GLIS3: variants seen among roughly 807,000 people sequenced by gnomAD.
The protein encoded by GLIS3 is zinc finger protein GLIS3.
A neutral mutation model predicts 78.6 loss-of-function variants in GLIS3; 53 were observed. The observed-to-expected ratio is 0.67, with a 90% CI of 0.54 to 0.85. The LOEUF is 0.85. Among genes scored for constraint, GLIS3 ranks in the 40% least tolerant of loss-of-function variants. GLIS3 has a pLI of 0.00. For synonymous variants in GLIS3, 684 were observed against 509.9 expected (o/e 1.34, Z -4.60); for missense variants, 1,703 against 1,231.1 (o/e 1.38, Z -5.74).
chr9:4,248,841 G>A (rs1824067597), intron 2 of GLIS3, among the ~76,000 whole-genome samples: 2 of 152,168 alleles, frequency 1.3e-5, no homozygotes, highest in Admixed American at 6.5e-5. Flanking sequence ...AATGACCAGT[G>A]ATGATGACAT....
chr9:4,157,907 T>C (rs750682921), intron 2 of GLIS3, among the ~76,000 whole-genome samples: 26 of 152,314 alleles, frequency 1.7e-4, no homozygotes, highest in South Asian at 1.7e-3. Flanking sequence ...TATCAATAAA[T>C]TTTATCCTCA....
intron 8 of GLIS3, among the ~76,000 whole-genome samples, chr9:3,856,766 G>A (rs1187616148): frequency 2.0e-5 from 3 of 152,172 alleles, no homozygotes; most frequent in Admixed American, 6.5e-5. Context: ...CACAACCCAC[G>A]AAATCTGCGT....
intron 2 of GLIS3, among the ~76,000 whole-genome samples, chr9:4,221,274 G>C (rs766701961): frequency 3.3e-5 from 5 of 152,160 alleles, no homozygotes; most frequent in Non-Finnish European, 5.9e-5. Context: ...TCTGGGTGAA[G>C]GGCATATGGG....
chr9:3,945,307 A>G (rs1393562102), intron 4 of GLIS3, among the ~76,000 whole-genome samples: 2 of 152,252 alleles, frequency 1.3e-5, no homozygotes, highest in East Asian at 3.8e-4. Flanking sequence ...GCGTACAAAT[A>G]AAAGCAGTGC....
intron 9 of GLIS3, among the ~76,000 whole-genome samples, chr9:3,854,630 G>A (rs530343063): frequency 2.6e-5 from 4 of 151,532 alleles, no homozygotes; most frequent in South Asian, 2.1e-4. Flanking sequence ...TCCGCCTCCC[G>A]GGTTCATGCT....
In GLIS3 at chr9:4,125,852, G is replaced by A. The variant is rs367884230; in HGVS notation, c.478C>T (p.Arg160Ter). The A allele has an allele frequency of 6.2e-6, 10 of 1,613,642 alleles. No homozygotes were observed. The East Asian group carries it at 8.9e-5, about 14-fold the overall frequency. The change falls in exon 3 of 11, where the codon CGA (arginine) becomes TGA (stop). Residue 160 changes from arginine to a stop codon, truncating the protein, a stop_gained. Coordinates refer to ENST00000381971, the MANE Select transcript of GLIS3 (RefSeq NM_001042413.2). LOFTEE classifies it high-confidence loss of function. ...VVTSSPMMVQ[R>*]LGLISPPASQ... ...GCTGGAGGTGAAATGAGTCCCAGTC[G>A]CTGAACCATCATGGGACTGCTGGTG...
intron 2 of GLIS3, among the ~76,000 whole-genome samples, chr9:4,265,042 G>A (rs1587217768): frequency 6.6e-6 from 1 of 151,876 alleles, no homozygotes; most frequent in East Asian, 1.9e-4. Context: ...TGTGGTGGCG[G>A]GCGCCTGTAT....
At chr9:4,094,918 T>G (rs643651) in intron 4 of GLIS3, among the ~76,000 whole-genome samples, 4 of 151,932 alleles carry the variant, frequency 2.6e-5, no homozygotes, top group Non-Finnish European at 4.4e-5. Context: ...ACATAATAAT[T>G]GTACATATTC....
the GLIS3 span, among the ~76,000 whole-genome samples, chr9:4,433,055 G>A: frequency 9.9e-5 from 15 of 152,178 alleles, no homozygotes; most frequent in African/African-American, 2.7e-4. Context: ...TATCTGCAAA[G>A]GAGAATTGTT....
At chr9:4,423,653 C>T in the GLIS3 span, among the ~76,000 whole-genome samples, 1 of 152,162 alleles carries the variant, frequency 6.6e-6, no homozygotes, top group East Asian at 1.9e-4. Flanking sequence ...GGTCACAGAA[C>T]GTTCAGCCCA....
chr9:4,270,701 ACT>A (rs1312107170), intron 2 of GLIS3, among the ~76,000 whole-genome samples: 1 of 151,820 alleles, frequency 6.6e-6, no homozygotes, highest in Non-Finnish European at 1.5e-5. Context: ...TAATGAATTC[ACT>A]CTCCCTGTGT....
At chr9:4,007,897 TGGGG>T (rs397893258) in intron 4 of GLIS3, among the ~76,000 whole-genome samples, 1 of 40,768 alleles carries the variant, frequency 2.5e-5, no homozygotes, top group African/African-American at 6.3e-5. Context: ...GGGTGGGCGT[TGGGG>T]GGGGGGGGTT....
At position 4,186,726 on chromosome 9, in the gene GLIS3, G is replaced by C. The variant is rs1204698491; in HGVS notation, c.389-60785C>G. On this transcript the variant is annotated intron_variant, in intron 2 of 10. Transcript: ENST00000381971. ...TGAGATGGTATCTCATTGTGGTTTT[G>C]ATTTGCATTTCTCTGATGGCCAGTG... Among the ~76,000 whole-genome samples the C allele has an allele frequency of 7.9e-5, 12 of 152,130 alleles. No individual in the cohort carries two copies. In the East Asian group the frequency reaches 1.7e-3, roughly 22 times the overall value.
chr9:3,975,827 T>C (rs1266483485), intron 4 of GLIS3, among the ~76,000 whole-genome samples: 2 of 152,104 alleles, frequency 1.3e-5, no homozygotes, highest in African/African-American at 4.8e-5. Flanking sequence ...AACCTCTCTC[T>C]GCTTCCACAG....
At chr9:4,364,521 T>C in the GLIS3 span, among the ~76,000 whole-genome samples, 1 of 152,096 alleles carries the variant, frequency 6.6e-6, no homozygotes. Context: ...AATATGTAAG[T>C]AGTGAATAAA....
At chr9:4,324,100 C>G (rs1370297095) in intron 2 of GLIS3, among the ~76,000 whole-genome samples, 3 of 152,168 alleles carry the variant, frequency 2.0e-5, no homozygotes, top group Admixed American at 6.5e-5. Flanking sequence ...CCATCTCAAC[C>G]CTATGTAACT....
At chr9:4,012,770 T>TCA (rs201670240) in intron 4 of GLIS3, among the ~76,000 whole-genome samples, 29 of 136,786 alleles carry the variant, frequency 2.1e-4, no homozygotes, top group African/African-American at 7.5e-4. Context: ...TTTTTCTTTT[T>TCA]TTTTTTTTTT....
intron 4 of GLIS3, among the ~76,000 whole-genome samples, chr9:4,102,201 G>A (rs985008056): frequency 6.6e-6 from 1 of 152,138 alleles, no homozygotes; most frequent in Admixed American, 6.5e-5. Flanking sequence ...GGTCAACTAA[G>A]TACTTGGAAC....
intron 4 of GLIS3, among the ~76,000 whole-genome samples, chr9:4,019,848 T>C (rs1472458034): frequency 6.6e-6 from 1 of 152,168 alleles, no homozygotes; most frequent in African/African-American, 2.4e-5. Flanking sequence ...TCCTCCTGCC[T>C]CAGGCCACCA....
Sources: gnomAD v4.1 joint callset for allele counts (sites outside exome capture counted in the v4.1 genomes callset) on GRCh38, gnomAD v4.1.1 for gene constraint, MANE v1.5 for transcripts, NCBI Gene and HGNC (gene_info 2026-07-23, HGNC 2026-07-21) for gene names.